The following FANCA variants were observed in gnomAD, a reference collection of about 807,000 sequenced individuals.
FANCA encodes the protein Fanconi anemia group A protein.
Under a neutral mutation model 194.3 loss-of-function variants are expected in FANCA, and 236 were observed. The ratio of observed to expected loss-of-function variants is 1.21; its 90% confidence interval spans 1.09 to 1.35. The LOEUF is 1.35. Among genes scored for constraint, FANCA ranks in the 40% most tolerant of loss-of-function variants. The pLI, the probability that FANCA is intolerant of heterozygous loss-of-function variation, is 0.00. For missense variants in FANCA, 2,628 were observed against 1,813.9 expected, an observed-to-expected ratio of 1.45 and a Z score of -8.15; for synonymous variants, 1,014 against 715.8, an observed-to-expected ratio of 1.42 and a Z score of -6.65.
rs985223810 is a variant in FANCA, at chr16:89,773,435, C to T, written c.1901-51G>A. ...TGGAAAGACACTCAACAGGACTCTT[C>T]ACTGCAAAAATAGAAACTTCACACA... On this transcript the variant is annotated intron_variant, in intron 21 of 42. Coordinates refer to ENST00000389301, the MANE Select transcript of FANCA (RefSeq NM_000135.4). 8.4e-6 allele frequency: 11 copies of T among 1,303,166 alleles called. No homozygotes were observed. The African/African-American group carries it at 1.3e-4, about 16-fold the overall frequency. 80.7% of individuals were successfully genotyped at this position (1,303,166 alleles called of 1,614,324 possible). A position where few individuals can be genotyped will look rare whatever the true frequency, so the allele number is the denominator to read the frequency against.
intron 30 of FANCA, among the ~76,000 whole-genome samples, chr16:89,758,312 T>C (rs1462629105): frequency 6.6e-6 from 1 of 152,216 alleles, no homozygotes; most frequent in Non-Finnish European, 1.5e-5. Flanking sequence ...TTCTTAGAAC[T>C]ACCATGATTA....
intron 17 of FANCA, among the ~76,000 whole-genome samples, chr16:89,782,510 C>CAAAA (rs750202032): frequency 8.2e-6 from 1 of 122,540 alleles, no homozygotes; most frequent in African/African-American, 3.1e-5. Context: ...ACTGCATCTC[C>CAAAA]AAAAAAAAAA....
At chr16:89,794,295 T>C (rs1344640732) in intron 11 of FANCA, among the ~76,000 whole-genome samples, 1 of 150,322 alleles carries the variant, frequency 6.7e-6, no homozygotes, top group Admixed American at 6.7e-5. Context: ...CTCACGCCTG[T>C]AATCCCACCA....
rs1261384324 is a variant in FANCA at position 89,740,035 on chromosome 16, C to G, written c.3893G>C (p.Arg1298Thr). 5.6e-6 allele frequency: 9 copies of G among 1,614,094 alleles called. No individual in the cohort carries two copies. The highest frequency in any genetic ancestry group is 7.6e-6 in the Non-Finnish European group (9 of 1,180,050). The change falls in exon 39 of 43, where the codon AGG becomes ACG. Residue 1298 changes from arginine to threonine, a missense_variant. Coordinates refer to ENST00000389301, the MANE Select transcript of FANCA (RefSeq NM_000135.4). ...CAAILECLEK[R>T]KISWLALFQL... Reference sequence around the variant, plus strand: ...AAAGAGTGCCAGCCAGGATATCTTCCTCTTCTCTAAACACTCGAGGATTGC... The same window carrying G: ...AAAGAGTGCCAGCCAGGATATCTTCGTCTTCTCTAAACACTCGAGGATTGC...
intron 1 of FANCA, chr16:89,816,235 C>A (rs1054302486): frequency 2.2e-5 from 11 of 489,990 alleles, no homozygotes; most frequent in South Asian, 2.0e-4. Context: ...GCGGCCTCTG[C>A]GCTGAGGGGA....
At chr16:89,811,402 G>A (rs892431088) in intron 3 of FANCA, among the ~76,000 whole-genome samples, 2 of 152,310 alleles carry the variant, frequency 1.3e-5, no homozygotes, top group South Asian at 2.1e-4. Context: ...AATAAATTGA[G>A]AACTGCAGCA....
At chr16:89,754,907 G>C (rs903352571) in intron 30 of FANCA, among the ~76,000 whole-genome samples, 1 of 152,118 alleles carries the variant, frequency 6.6e-6, no homozygotes, top group African/African-American at 2.4e-5. Flanking sequence ...CCAAAATTAA[G>C]ACACAACTAC....
At chr16:89,774,245 C>G (rs561546617) in intron 21 of FANCA, among the ~76,000 whole-genome samples, 1 of 152,228 alleles carries the variant, frequency 6.6e-6, no homozygotes, top group Non-Finnish European at 1.5e-5. Context: ...GGAGTCTGTG[C>G]ATAAGCCTCA....
Position 89,773,735 on chromosome 16 carries a change from C to G in FANCA, c.1901-351G>C, listed in dbSNP as rs553325059. 3.6e-4 allele frequency among the ~76,000 whole-genome samples: 55 copies of G among 151,508 alleles called. 1 individual carries two copies. The South Asian group carries it at 0.01, about 28-fold the overall frequency. ...GGGCTGGCGAGGGTGGGGACAGGAT[C>G]ACGGATAGGTGACCATTTAGTCCCC... On this transcript the variant is annotated intron_variant, in intron 21 of 42. Coordinates refer to ENST00000389301, the MANE Select transcript of FANCA (RefSeq NM_000135.4).
chr16:89,803,049 C>A (rs1423737856), intron 8 of FANCA, among the ~76,000 whole-genome samples: 1 of 152,026 alleles, frequency 6.6e-6, no homozygotes, highest in African/African-American at 2.4e-5. Context: ...GAAATGTTGC[C>A]AACACACAGA....
At chr16:89,738,851 A>G in intron 42 of FANCA, 31 bp downstream of exon 42, 1 of 1,614,184 alleles carries the variant, frequency 6.2e-7, no homozygotes. Flanking sequence ...CATGTCCCCC[A>G]CATGGCCCAA....
rs528644307 is a variant in FANCA, at chr16:89,752,990, C to A, written c.2982-768G>T. ...CGCAGTTATCCGGAGGCCTCACCGTCTCCCTGTGATGCTGTGCTTCAGTGG... is the reference window on the plus strand; with the variant it reads ...CGCAGTTATCCGGAGGCCTCACCGTATCCCTGTGATGCTGTGCTTCAGTGG... On this transcript the variant is annotated intron_variant, in intron 30 of 42. Transcript: ENST00000389301. 2.0e-5 allele frequency among the ~76,000 whole-genome samples: 3 copies of A among 152,346 alleles called. No individual in the cohort carries two copies. In the South Asian group the frequency reaches 6.2e-4, roughly 32 times the overall value.
At chr16:89,786,078 G>C (rs1258859405) in intron 14 of FANCA, among the ~76,000 whole-genome samples, 1 of 147,214 alleles carries the variant, frequency 6.8e-6, no homozygotes. Context: ...GAGTGCAACG[G>C]TGCAATCAGG....
intron 38 of FANCA, 60 bp downstream of exon 38, chr16:89,740,744 T>A: frequency 1.4e-6 from 2 of 1,463,254 alleles, no homozygotes; most frequent in Non-Finnish European, 1.9e-6. Context: ...GCTGGCTGCC[T>A]GGTGCCCCTG....
chr16:89,816,449 G>T, intron 1 of FANCA, 88 bp downstream of exon 1: 2 of 1,204,224 alleles, frequency 1.7e-6, no homozygotes, highest in Non-Finnish European at 2.2e-6. Context: ...CCGACCGGCG[G>T]AGGCTCTGGC....
chr16:89,767,307 G>T, intron 26 of FANCA, 70 bp from the exon 27 acceptor site: 1 of 1,133,356 alleles, frequency 8.8e-7, no homozygotes, highest in Non-Finnish European at 1.3e-6. Context: ...AAGTTACTTT[G>T]AATTTCATAA....
chr16:89,792,020 C>T lies in FANCA; in HGVS notation c.1132G>A (p.Val378Ile). ...CAGTGAACCTCCTGCGTTTCCAGAA[C>T]TTCTTGCAAATGGCCAACCAACTCC... is the stretch of plus-strand genomic sequence containing the variant. Reference protein sequence around the residue: ...AEELVGHLQEVLETQEVHWQR... With the variant: ...AEELVGHLQEILETQEVHWQR... Residue 378 changes from valine to isoleucine, a missense_variant, in exon 13 of 43, where the codon GTT (valine) becomes ATT (isoleucine). Physicochemically the swap from Val to Ile is conservative, Grantham distance 29. Coordinates refer to ENST00000389301, the MANE Select transcript of FANCA (RefSeq NM_000135.4). 6.2e-7 allele frequency: 1 copy of T among 1,614,226 alleles called. No homozygotes were observed. Among genetic ancestry groups the T allele is most frequent in the Non-Finnish European group, 8.5e-7 (1 of 1,180,026 alleles).
chr16:89,786,215 A>G (rs1456515498), intron 14 of FANCA, among the ~76,000 whole-genome samples: 4 of 138,154 alleles, frequency 2.9e-5, no homozygotes, highest in East Asian at 2.2e-4. Flanking sequence ...ACAAAGCCTC[A>G]CTCTGTCACC....
rs768851944 is a variant in FANCA, at chr16:89,770,614, C to A, written c.2172G>T (p.Thr724=). The change falls in exon 24 of 43, where the codon ACG becomes ACT. Residue 724 remains threonine (T), a synonymous_variant. Coordinates refer to ENST00000389301, the MANE Select transcript of FANCA (RefSeq NM_000135.4). ...REHMAVDLLL[T]SFCQNLMAAS... The stretch of plus-strand genomic sequence containing the variant: ...CAGCCATCAGGTTCTGACAGAAAGA[C>A]GTCAGCAGGAGGTCCACAGCCTGCA... 6 of 1,611,436 alleles carry A rather than the reference C, an allele frequency of 3.7e-6. No individual in the cohort carries two copies. The highest frequency in any genetic ancestry group is 5.1e-6 in the Non-Finnish European group (6 of 1,178,946).
Sources: allele counts gnomAD v4.1 joint callset (sites outside exome capture counted in the v4.1 genomes callset), GRCh38; gene constraint gnomAD v4.1.1; transcripts MANE v1.5; gene names NCBI Gene and HGNC (gene_info 2026-07-23, HGNC 2026-07-21).